The following MIGA1 variants were observed in gnomAD, a reference collection of about 807,000 sequenced individuals.
MIGA1 encodes mitoguardin 1, also known as family with sequence similarity 73, member A.
MIGA1 carries 58 observed loss-of-function variants against 82.0 expected under a neutral mutation model. The observed-to-expected ratio is 0.71, with a 90% CI of 0.57 to 0.88. The LOEUF is 0.88. Ranked by LOEUF, MIGA1 falls within the 40% of genes least tolerant of loss-of-function variation. MIGA1 has a pLI of 0.00. For synonymous variants in MIGA1, 249 were observed against 253.6 expected, an observed-to-expected ratio of 0.98 and a Z score of 0.17; for missense variants, 751 against 749.1, an observed-to-expected ratio of 1.00 and a Z score of -0.03.
chr1:77,804,998 T>C (rs1271408152), intron 4 of MIGA1, among the ~76,000 whole-genome samples: 1 of 145,626 alleles, frequency 6.9e-6, no homozygotes, highest in Non-Finnish European at 1.5e-5. Flanking sequence ...TATTTCTTTT[T>C]TTTTTTTTTT....
intron 5 of MIGA1, among the ~76,000 whole-genome samples, chr1:77,812,693 G>A (rs1314383946): frequency 6.6e-6 from 1 of 152,032 alleles, no homozygotes; most frequent in Non-Finnish European, 1.5e-5. Flanking sequence ...TGTTTTGTTT[G>A]AAGTGCATAG....
chr1:77,783,695 A>G (rs1317858345), intron 2 of MIGA1, among the ~76,000 whole-genome samples: 1 of 152,228 alleles, frequency 6.6e-6, no homozygotes, highest in Non-Finnish European at 1.5e-5. Flanking sequence ...ATAACATAAA[A>G]TTGACCATTT....
intron 7 of MIGA1, among the ~76,000 whole-genome samples, chr1:77,841,774 T>A (rs1427681053): frequency 1.3e-5 from 2 of 151,066 alleles, no homozygotes; most frequent in Non-Finnish European, 2.9e-5. Context: ...TTTCTCTCCC[T>A]CTCTCTCTCT....
chr1:77,782,224 A>G (rs1681952387), intron 1 of MIGA1, among the ~76,000 whole-genome samples: 1 of 152,204 alleles, frequency 6.6e-6, no homozygotes, highest in Non-Finnish European at 1.5e-5. Flanking sequence ...AAAAGAAATA[A>G]TAAATTTGGT....
At chr1:77,783,458 A>C (rs1289625505) in intron 2 of MIGA1, 107 bp downstream of exon 2, 1 of 543,582 alleles carries the variant, frequency 1.8e-6, no homozygotes, top group Non-Finnish European at 3.0e-6. Flanking sequence ...AGTACAGTCA[A>C]AATATTTATT....
chr1:77,831,897 G>A (rs888791756), intron 7 of MIGA1, among the ~76,000 whole-genome samples: 2 of 152,138 alleles, frequency 1.3e-5, no homozygotes, highest in African/African-American at 2.4e-5. Flanking sequence ...AAGTAAACCC[G>A]ATTAACAACA....
intron 2 of MIGA1, among the ~76,000 whole-genome samples, chr1:77,793,783 C>CTTTT (rs1175821307): frequency 8.8e-6 from 1 of 114,152 alleles, no homozygotes; most frequent in Non-Finnish European, 1.8e-5. Context: ...AAAATTTTAT[C>CTTTT]TTTTTTTTTT....
intron 1 of MIGA1, 119 bp downstream of exon 1, chr1:77,779,855 G>A (rs1681819857): frequency 1.4e-6 from 2 of 1,432,988 alleles, no homozygotes; most frequent in Admixed American, 5.5e-5. Context: ...CATCGCTGGC[G>A]TTAGCTCTCG....
At chr1:77,867,423 C>G (rs1685713634) in intron 14 of MIGA1, among the ~76,000 whole-genome samples, 1 of 152,194 alleles carries the variant, frequency 6.6e-6, no homozygotes. Flanking sequence ...AACTCCTGGG[C>G]TAAAGCAATC....
intron 8 of MIGA1, chr1:77,847,658 C>A: frequency 6.4e-7 from 1 of 1,569,138 alleles, no homozygotes; most frequent in Non-Finnish European, 8.8e-7. Flanking sequence ...TGGATGTAAC[C>A]AAGCAGAAAG....
Position 77,869,657 on chromosome 1 carries a change from G to A in MIGA1, c.1563+3266G>A, listed in dbSNP as rs1278604157. On this transcript the variant is annotated intron_variant, in intron 14 of 15. Transcript: ENST00000370791. ...CCAGTAGGGGCGGCCGGGCAGAGGC[G>A]CCCCTCACCTCCCGGACGGGGCGGC... Among the ~76,000 whole-genome samples, 15 of 133,004 alleles carry A rather than the reference G, an allele frequency of 1.1e-4. 1 individual carries two copies. Among genetic ancestry groups the A allele is most frequent in the Non-Finnish European group, 2.3e-4 (14 of 61,074 alleles). The allele number at this position is 133,004 out of a possible 152,430, so 87.3% of individuals were successfully genotyped here. A position where few individuals can be genotyped will look rare whatever the true frequency, so the allele number is the denominator to read the frequency against.
chr1:77,845,030 A>G (rs1485409796), intron 8 of MIGA1, among the ~76,000 whole-genome samples: 3 of 152,104 alleles, frequency 2.0e-5, no homozygotes, highest in Admixed American at 2.0e-4. Flanking sequence ...CTGATGTGTG[A>G]ATTTTATCTC....
intron 2 of MIGA1, among the ~76,000 whole-genome samples, chr1:77,792,828 G>T (rs1557896047): frequency 7.1e-6 from 1 of 140,380 alleles, no homozygotes; most frequent in Non-Finnish European, 1.5e-5. Context: ...CACCCTTGTA[G>T]CCCAGGCTGG....
In MIGA1 at chr1:77,866,352, T is replaced by G; in HGVS notation, c.1524T>G (p.Ser508Arg). ...CATGTATTTAGGCTGTGGCTTCAAG[T>G]TGTTGGTCGGTGCTGAAACAGAAAA... The change falls in exon 14 of 16, where the codon AGT (serine) becomes AGG (arginine). Residue 508 changes from serine to arginine, a missense_variant. Around this residue, in one of 3 missense-constraint regions of MIGA1, gnomAD observed 265 missense variants for 293.6 expected, o/e 0.90. Coordinates refer to ENST00000370791, the MANE Select transcript of MIGA1 (RefSeq NM_198549.4). 2 of 1,614,172 alleles carry G rather than the reference T, an allele frequency of 1.2e-6. No individual in the cohort carries two copies. The highest frequency in any genetic ancestry group is 1.7e-6 in the Non-Finnish European group (2 of 1,179,996).
At chr1:77,869,917 AC>A (rs1388598278) in intron 14 of MIGA1, among the ~76,000 whole-genome samples, 3 of 102,546 alleles carry the variant, frequency 2.9e-5, no homozygotes, top group Non-Finnish European at 6.0e-5. Flanking sequence ...CGGGGGGCTG[AC>A]CCCGCCCACC....
chr1:77,819,319 T>TGG (rs538993401), intron 7 of MIGA1, among the ~76,000 whole-genome samples: 275 of 152,196 alleles, frequency 1.8e-3, no homozygotes, highest in Admixed American at 6.3e-3. Flanking sequence ...TTTTCACTCT[T>TGG]GTCACCCAGG....
intron 2 of MIGA1, among the ~76,000 whole-genome samples, chr1:77,794,768 G>A (rs974873958): frequency 1.3e-5 from 2 of 152,060 alleles, no homozygotes; most frequent in African/African-American, 4.8e-5. Flanking sequence ...CACACTGCAC[G>A]CTAGCCTGGG....
At chr1:77,822,142 C>T (rs936690280) in intron 7 of MIGA1, among the ~76,000 whole-genome samples, 3 of 152,026 alleles carry the variant, frequency 2.0e-5, no homozygotes, top group Admixed American at 6.6e-5. Context: ...AAAAAAAAAT[C>T]GTACACCTTA....
intron 6 of MIGA1, among the ~76,000 whole-genome samples, chr1:77,814,718 G>A (rs556836400): frequency 6.6e-6 from 1 of 152,294 alleles, no homozygotes; most frequent in Non-Finnish European, 1.5e-5. Context: ...TCACCTAGAG[G>A]ACTTGTTAAA....
Sources: allele counts gnomAD v4.1 joint callset (sites outside exome capture counted in the v4.1 genomes callset), GRCh38; gene constraint gnomAD v4.1.1; regional missense constraint gnomAD v4.1.1; transcripts MANE v1.5; gene names NCBI Gene and HGNC (gene_info 2026-07-23, HGNC 2026-07-21).